CCNY: variants seen among roughly 807,000 people sequenced by gnomAD.
CCNY encodes cyclin-Y.
Under a neutral mutation model 42.8 loss-of-function variants are expected in CCNY, and 19 were observed. The ratio of observed to expected loss-of-function variants is 0.44; its 90% CI spans 0.31 to 0.65. CCNY has a LOEUF of 0.65. CCNY is among the 30% of genes least tolerant of loss of function. The pLI is 0.07. For missense variants in CCNY, 370 were observed against 437.3 expected, an observed-to-expected ratio of 0.85 and a Z score of 1.37; for synonymous variants, 165 against 162.7, an observed-to-expected ratio of 1.01 and a Z score of -0.11.
chr10:35,438,551 T>G (rs1838594542), intron 1 of CCNY, among the ~76,000 whole-genome samples: 1 of 152,308 alleles, frequency 6.6e-6, no homozygotes, highest in Admixed American at 6.5e-5. Flanking sequence ...ATTTGTAATC[T>G]TTCACTATTA....
chr10:35,473,036 T>G (rs1027803769), intron 1 of CCNY, among the ~76,000 whole-genome samples: 1 of 152,262 alleles, frequency 6.6e-6, no homozygotes, highest in Non-Finnish European at 1.5e-5. Flanking sequence ...CAAAAAATTA[T>G]GAGTCCAGTG....
intron 1 of CCNY, among the ~76,000 whole-genome samples, chr10:35,429,218 G>A (rs968556211): frequency 1.3e-5 from 2 of 152,124 alleles, no homozygotes; most frequent in Admixed American, 1.3e-4. Flanking sequence ...AGCAGACAGG[G>A]GAACCTAGTT....
intron 1 of CCNY, among the ~76,000 whole-genome samples, chr10:35,408,372 G>A (rs1007738234): frequency 6.6e-6 from 1 of 152,152 alleles, no homozygotes; most frequent in Admixed American, 6.5e-5. Context: ...CCTGGGTGCC[G>A]GCAGGCTGAG....
At chr10:35,352,206 A>G (rs956493164) in intron 1 of CCNY, among the ~76,000 whole-genome samples, 4 of 152,176 alleles carry the variant, frequency 2.6e-5, no homozygotes, top group Admixed American at 6.5e-5. Context: ...TCAGTTTGAC[A>G]TTCTTGCTAT....
chr10:35,298,707 G>A (rs1835499728), intron 3 of CCNY, among the ~76,000 whole-genome samples: 1 of 152,078 alleles, frequency 6.6e-6, no homozygotes, highest in African/African-American at 2.4e-5. Flanking sequence ...ATTTTTTGCG[G>A]AGACAGGGTT....
In CCNY at chr10:35,490,143, C is replaced by A. The variant is rs113407313; in HGVS notation, c.229+6665C>A. Among the ~76,000 whole-genome samples the A allele has an allele frequency of 3.4e-3, 511 of 152,282 alleles. 4 individuals carry two copies. Among genetic ancestry groups the A allele is most frequent in the African/African-American group, 0.012 (481 of 41,566 alleles). On this transcript the variant is annotated intron_variant, in intron 2 of 9. Transcript: ENST00000374704. Reference sequence around the variant, plus strand: ...CTCAAATATATGTTGAATGGAGGAACCCCCACCTGCTCTTTTCCTCTGAAC... The same window carrying A: ...CTCAAATATATGTTGAATGGAGGAAACCCCACCTGCTCTTTTCCTCTGAAC...
Position 35,529,994 on chromosome 10 carries a change from C to G in CCNY, c.423C>G (p.Leu141=). Residue 141 remains leucine (L), a synonymous_variant, in exon 6 of 10, where the codon CTC becomes CTG. Transcript: ENST00000374704. The part of the protein sequence containing the change: ...IKNRDPDGRM[L]LDIFDENLHP... The stretch of plus-strand genomic sequence containing the variant: ...CCAGGGACCCAGATGGAAGGATGCT[C>G]TTAGATATTTTTGATGAAAATCTTC... 6.2e-7 allele frequency: 1 copy of G among 1,613,966 alleles called. No homozygotes were observed. Among genetic ancestry groups the G allele is most frequent in the Non-Finnish European group, 8.5e-7 (1 of 1,179,904 alleles).
Position 35,553,099 on chromosome 10 carries a change from C to G in CCNY, c.660C>G (p.Ile220Met). The G allele has an allele frequency of 6.2e-7, 1 of 1,614,188 alleles. No homozygotes were observed. The highest frequency in any genetic ancestry group is 8.5e-7 in the Non-Finnish European group (1 of 1,180,024). Residue 220 changes from isoleucine (I) to methionine (M), a missense_variant, in exon 8 of 10, where the codon ATC (isoleucine) becomes ATG (methionine). Transcript: ENST00000374704. ...ANWKRIVLGA[I>M]LLASKVWDDQ... ...GGAAGCGGATTGTTTTAGGGGCGAT[C>G]CTGCTGGCCTCCAAGGTGTGGGATG...
chr10:35,385,140 G>A (rs181310075), intron 1 of CCNY, among the ~76,000 whole-genome samples: 2 of 152,324 alleles, frequency 1.3e-5, no homozygotes, highest in African/African-American at 4.8e-5. Context: ...GATGGATTGA[G>A]AATTGATAGT....
intron 1 of CCNY, among the ~76,000 whole-genome samples, chr10:35,470,517 A>C (rs1025570287): frequency 6.6e-5 from 10 of 152,228 alleles, no homozygotes; most frequent in Non-Finnish European, 1.2e-4. Context: ...ATACACGGAG[A>C]TCACCTGCAG....
chr10:35,279,854 G>C (rs1041498706), intron 3 of CCNY, among the ~76,000 whole-genome samples: 6 of 152,182 alleles, frequency 3.9e-5, no homozygotes, highest in Non-Finnish European at 8.8e-5. Flanking sequence ...ATCACATAGA[G>C]GTCTTTAGCT....
In CCNY at chr10:35,553,184, A is replaced by C; in HGVS notation, c.745A>C (p.Met249Leu). Residue 249 changes from methionine to leucine, a missense_variant and splice_region_variant, in exon 8 of 10, where the codon ATG becomes CTG. Met to Leu is a conservative substitution (Grantham distance 15, BLOSUM62 2). Transcript: ENST00000374704. ...CCTGAAAGACATCACGGTGGAGGAC[A>C]TGTGAGTTGGGGGGCAGAGGGTGTT... ...QILKDITVED[M>L]NELERQFLEL... 1.2e-6 allele frequency: 2 copies of C among 1,613,650 alleles called. No individual in the cohort carries two copies. Among genetic ancestry groups the C allele is most frequent in the Non-Finnish European group, 1.7e-6 (2 of 1,179,570 alleles).
intron 3 of CCNY, among the ~76,000 whole-genome samples, chr10:35,305,933 T>C (rs1348764778): frequency 6.6e-6 from 1 of 152,176 alleles, no homozygotes; most frequent in Admixed American, 6.5e-5. Context: ...CAGAAGGAGT[T>C]GATATAAGGT....
At chr10:35,288,017 A>G (rs536098603) in intron 3 of CCNY, among the ~76,000 whole-genome samples, 1 of 152,308 alleles carries the variant, frequency 6.6e-6, no homozygotes, top group East Asian at 1.9e-4. Context: ...TATATGTTTT[A>G]CTTTATAAGA....
chr10:35,441,253 G>C (rs1468858894), intron 1 of CCNY, among the ~76,000 whole-genome samples: 4 of 152,176 alleles, frequency 2.6e-5, no homozygotes, highest in Non-Finnish European at 5.9e-5. Context: ...TTAAACTGTT[G>C]TTAGCAAAGA....
At chr10:35,554,615 T>A (rs1264602368) in intron 8 of CCNY, among the ~76,000 whole-genome samples, 2 of 152,160 alleles carry the variant, frequency 1.3e-5, no homozygotes, top group African/African-American at 2.4e-5. Context: ...GCACGTCACA[T>A]GATGACTTCC....
At chr10:35,293,062 G>A (rs531157693) in intron 3 of CCNY, among the ~76,000 whole-genome samples, 44 of 151,574 alleles carry the variant, frequency 2.9e-4, no homozygotes, top group Non-Finnish European at 4.9e-4. Flanking sequence ...TTACAGGTGT[G>A]AGCCACCGTG....
At chr10:35,544,108 A>G (rs1411532718) in intron 7 of CCNY, among the ~76,000 whole-genome samples, 2 of 152,192 alleles carry the variant, frequency 1.3e-5, no homozygotes, top group Non-Finnish European at 2.9e-5. Context: ...ATTACAGAAA[A>G]TCTTTTTCAT....
intron 1 of CCNY, among the ~76,000 whole-genome samples, chr10:35,377,148 T>C (rs1837070176): frequency 6.6e-6 from 1 of 152,142 alleles, no homozygotes; most frequent in African/African-American, 2.4e-5. Context: ...ATAGTATAAT[T>C]ACTTTTTAAA....
Sources: allele counts gnomAD v4.1 joint callset (sites outside exome capture counted in the v4.1 genomes callset), GRCh38; gene constraint gnomAD v4.1.1; transcripts MANE v1.5; gene names NCBI Gene and HGNC (gene_info 2026-07-23, HGNC 2026-07-21).